The following TMEM260 variants were observed in gnomAD, a reference collection of about 807,000 sequenced individuals.
The protein encoded by TMEM260 is protein O-mannosyl-transferase TMEM260.
TMEM260 carries 82 observed loss-of-function variants against 88.9 expected under a neutral mutation model. The ratio of observed to expected loss-of-function variants is 0.92; its 90% confidence interval spans 0.77 to 1.11. The LOEUF is 1.11. TMEM260 is among the 50% of genes least tolerant of loss of function. The pLI, the probability that TMEM260 is intolerant of heterozygous loss-of-function variation, is 0.00. For missense variants in TMEM260, 902 were observed against 853.4 expected, an observed-to-expected ratio of 1.06 and a Z score of -0.71; for synonymous variants, 314 against 309.3, an observed-to-expected ratio of 1.02 and a Z score of -0.16.
intron 7 of TMEM260, 38 bp downstream of exon 7, chr14:56,612,323 T>A: frequency 6.6e-7 from 1 of 1,526,616 alleles, no homozygotes; most frequent in Non-Finnish European, 9.1e-7. Context: ...TAAAATGAAT[T>A]CTCTATTAGT....
the TMEM260 span, among the ~76,000 whole-genome samples, chr14:56,663,043 C>T: frequency 1.1e-4 from 17 of 152,212 alleles, no homozygotes; most frequent in African/African-American, 3.6e-4. This position sits in a 1 kb window ranked among gnomAD's most constrained non-coding sequence, Gnocchi z 4.1. Flanking sequence ...GCAGGAGAAT[C>T]GCTTGAACCC....
chr14:56,634,796 C>T lies in TMEM260; in HGVS notation c.1725-103C>T, dbSNP rs540854826. On this transcript the variant is annotated intron_variant, in intron 13 of 15. Coordinates refer to ENST00000261556, the MANE Select transcript of TMEM260 (RefSeq NM_017799.4). Reference sequence around the variant, plus strand: ...GGTGGAGGTTGCAGTGAGCCAAGATCGCACCATTGCATTCCAGCCTGGGCA... The same window carrying T: ...GGTGGAGGTTGCAGTGAGCCAAGATTGCACCATTGCATTCCAGCCTGGGCA... The T allele has an allele frequency of 2.7e-4, 260 of 977,316 alleles. 1 individual carries two copies. The highest frequency in any genetic ancestry group is 3.2e-4 in the Non-Finnish European group (202 of 625,246). The allele number at this position is 977,316 out of a possible 1,614,324, so 60.5% of individuals were successfully genotyped here.
At chr14:56,640,440 C>CTGTT (rs1279735665) in intron 15 of TMEM260, among the ~76,000 whole-genome samples, 15 of 152,228 alleles carry the variant, frequency 9.9e-5, no homozygotes, top group Admixed American at 2.6e-4. Context: ...AGGGTCCTGA[C>CTGTT]TGTTAGAAGG....
chr14:56,614,044 G>A lies in TMEM260; in HGVS notation c.857+1759G>A, dbSNP rs189696988. 1.7e-4 allele frequency: 26 copies of A among 151,932 alleles called. 2 individuals are homozygous for A. Among genetic ancestry groups the A allele is most frequent in the African/African-American group, 5.6e-4 (23 of 41,340 alleles). The allele number at this position is 151,932 out of a possible 1,614,324, so 9.4% of individuals were successfully genotyped here. A position where few individuals can be genotyped will look rare whatever the true frequency, so the allele number is the denominator to read the frequency against. Reference sequence around the variant, plus strand: ...CCACCTCAGCCTCCTGAGTAGCTGGGATTACAGGTGTGTGCTACCACGCCC... The same window carrying A: ...CCACCTCAGCCTCCTGAGTAGCTGGAATTACAGGTGTGTGCTACCACGCCC... On this transcript the variant is annotated intron_variant, in intron 7 of 15. Transcript: ENST00000261556.
At chr14:56,626,912 A>T (rs562428781) in intron 12 of TMEM260, among the ~76,000 whole-genome samples, 1 of 152,288 alleles carries the variant, frequency 6.6e-6, no homozygotes, top group South Asian at 2.1e-4. Context: ...AACATAAATG[A>T]CTTATTTTTA....
chr14:56,631,103 G>T (rs1888562054), intron 12 of TMEM260, among the ~76,000 whole-genome samples: 1 of 151,848 alleles, frequency 6.6e-6, no homozygotes, highest in African/African-American at 2.4e-5. Flanking sequence ...TTTAAAGCAG[G>T]AGTAAAAGTT....
At position 56,606,907 on chromosome 14, in the gene TMEM260, T is replaced by A. The variant is rs542638498; in HGVS notation, c.636+1224T>A. 1.2e-4 allele frequency among the ~76,000 whole-genome samples: 18 copies of A among 152,014 alleles called. 1 individual carries two copies. Among genetic ancestry groups the A allele is most frequent in the South Asian group, 2.1e-4 (1 of 4,802 alleles). The stretch of plus-strand genomic sequence containing the variant: ...AAGACTCCGTCTCCAAAAAAATAAA[T>A]AAATAAATAAATAATAAGTAAAAGG... On this transcript the variant is annotated intron_variant, in intron 5 of 15. Coordinates refer to ENST00000261556, the MANE Select transcript of TMEM260 (RefSeq NM_017799.4).
At position 56,647,267 on chromosome 14, in the gene TMEM260, C is replaced by T; in HGVS notation, c.1894C>T (p.Gln632Ter). ...YDLYKEIVYL[Q>*]KEHPVNWHKN... ...GCTTTATAAGGAGATTGTCTATTTA[C>T]AAAAGGAGCACCCAGTGAATTGGCA... Residue 632 changes from glutamine (Q) to a stop codon, truncating the protein, a stop_gained, in exon 16 of 16, where the codon CAA becomes TAA. Transcript: ENST00000261556. LOFTEE classifies it high-confidence loss of function. The T allele has an allele frequency of 2.5e-6, 4 of 1,613,142 alleles. No homozygotes were observed. Among genetic ancestry groups the T allele is most frequent in the Non-Finnish European group, 3.4e-6 (4 of 1,179,698 alleles).
At chr14:56,641,128 A>G (rs1172361070) in intron 15 of TMEM260, among the ~76,000 whole-genome samples, 1 of 150,776 alleles carries the variant, frequency 6.6e-6, no homozygotes, top group Non-Finnish European at 1.5e-5. Context: ...CAACCTAGCA[A>G]GTCAGGCCAG....
intron 3 of TMEM260, among the ~76,000 whole-genome samples, chr14:56,599,603 T>A (rs934057983): frequency 6.6e-6 from 1 of 152,180 alleles, no homozygotes; most frequent in Non-Finnish European, 1.5e-5. Flanking sequence ...TTAAAAAAAA[T>A]TTGTATTAGC....
intron 8 of TMEM260, 192 bp downstream of exon 8, chr14:56,616,219 A>C (rs17091809): frequency 0.033 from 16,519 of 504,716 alleles, 1,043 homozygotes; most frequent in African/African-American, 0.18. Context: ...GATTTCAAGA[A>C]ATTGAGCATT....
Position 56,639,723 on chromosome 14 carries a change from C to T in TMEM260, c.1869+3125C>T, listed in dbSNP as rs539320418. On this transcript the variant is annotated intron_variant, in intron 15 of 15. Transcript: ENST00000261556. Reference sequence around the variant, plus strand: ...AGGAAGCGCAAGGGGGCAGGGAATTCCCTTTCCTAGTCAAAGAAAGGGGTG... The same window carrying T: ...AGGAAGCGCAAGGGGGCAGGGAATTTCCTTTCCTAGTCAAAGAAAGGGGTG... Among the ~76,000 whole-genome samples the T allele has an allele frequency of 2.0e-5, 3 of 152,310 alleles. No individual in the cohort carries two copies. In the South Asian group the frequency reaches 6.2e-4, roughly 32 times the overall value.
At chr14:56,628,987 C>A (rs1360490753) in intron 12 of TMEM260, among the ~76,000 whole-genome samples, 1 of 151,868 alleles carries the variant, frequency 6.6e-6, no homozygotes, top group East Asian at 1.9e-4. Flanking sequence ...CCTCCACCTC[C>A]CAGGTTATAG....
chr14:56,597,386 A>G (rs1362671277), intron 3 of TMEM260, among the ~76,000 whole-genome samples: 1 of 152,240 alleles, frequency 6.6e-6, no homozygotes, highest in Non-Finnish European at 1.5e-5. Flanking sequence ...GGCATTTCAG[A>G]TAAGGGATCC....
Position 56,647,315 on chromosome 14 carries a change from G to C in TMEM260, c.1942G>C (p.Glu648Gln). ...GCACAAGAACTATGCCATCGCCTGT[G>C]AGCGGATGCTGCGTCTTCAGGCAAG... ...NWHKNYAIAC[E>Q]RMLRLQARDA... The change falls in exon 16 of 16, where the codon GAG (glutamate) becomes CAG (glutamine). Residue 648 changes from glutamate (E) to glutamine (Q), a missense_variant. Glu to Gln is a conservative substitution (Grantham distance 29, BLOSUM62 2). Coordinates refer to ENST00000261556, the MANE Select transcript of TMEM260 (RefSeq NM_017799.4). The C allele has an allele frequency of 6.2e-7, 1 of 1,614,180 alleles. No homozygotes were observed. The highest frequency in any genetic ancestry group is 8.5e-7 in the Non-Finnish European group (1 of 1,180,036).
chr14:56,633,716 G>A (rs1182392186), intron 13 of TMEM260, among the ~76,000 whole-genome samples: 8 of 152,060 alleles, frequency 5.3e-5, no homozygotes, highest in Non-Finnish European at 1.0e-4. Flanking sequence ...TCTACATAGA[G>A]CTTAATGTTT....
chr14:56,656,955 C>T, the TMEM260 span, among the ~76,000 whole-genome samples: 1 of 152,168 alleles, frequency 6.6e-6, no homozygotes, highest in Admixed American at 6.5e-5. Context: ...CCATGACCGT[C>T]CTTCCCTCTT....
chr14:56,611,992 A>T (rs1339943654), intron 6 of TMEM260, among the ~76,000 whole-genome samples: 1 of 152,152 alleles, frequency 6.6e-6, no homozygotes, highest in Non-Finnish European at 1.5e-5. Context: ...GGCAGAGGGT[A>T]GGAGGAGGGA....
intron 8 of TMEM260, 31 bp from the exon 9 acceptor site, chr14:56,617,152 A>G: frequency 7.6e-7 from 1 of 1,321,754 alleles, no homozygotes; most frequent in Non-Finnish European, 1.0e-6. Context: ...GTATCTAAAT[A>G]TTTTAGACAT....
Sources: gnomAD v4.1 joint callset for allele counts (sites outside exome capture counted in the v4.1 genomes callset) on GRCh38, gnomAD v4.1.1 for gene constraint, Gnocchi (gnomAD v3.1) non-coding constraint, MANE v1.5 for transcripts, NCBI Gene and HGNC (gene_info 2026-07-23, HGNC 2026-07-21) for gene names.